Variants in XKR4 observed in about 807,000 individuals in gnomAD.
XKR4 encodes the protein XK related 4.
XKR4 carries 12 observed loss-of-function variants against 53.9 expected under a neutral mutation model. The ratio of observed to expected loss-of-function variants is 0.22; its 90% CI spans 0.14 to 0.36. XKR4 has a LOEUF of 0.36. Among genes scored for constraint, XKR4 ranks in the 10% least tolerant of loss-of-function variants. The pLI, the probability that XKR4 is intolerant of heterozygous loss-of-function variation, is 1.00. For synonymous variants in XKR4, 354 were observed against 362.4 expected, an observed-to-expected ratio of 0.98 and a Z score of 0.26; for missense variants, 799 against 859.5, an observed-to-expected ratio of 0.93 and a Z score of 0.88.
chr8:55,446,744 A>C (rs1363853189), intron 2 of XKR4, among the ~76,000 whole-genome samples: 1 of 152,240 alleles, frequency 6.6e-6, no homozygotes, highest in East Asian at 1.9e-4. Context: ...TTTCACCATC[A>C]GACAAATACC....
At chr8:55,208,001 C>T (rs907202890) in intron 1 of XKR4, among the ~76,000 whole-genome samples, 7 of 152,122 alleles carry the variant, frequency 4.6e-5, no homozygotes, top group Admixed American at 3.9e-4. Context: ...ATGATAGTAG[C>T]CTGTGGGCTA....
chr8:55,258,617 G>A (rs1818472562), intron 1 of XKR4, among the ~76,000 whole-genome samples: 1 of 152,104 alleles, frequency 6.6e-6, no homozygotes, highest in Non-Finnish European at 1.5e-5. Context: ...CTGATGTCTG[G>A]TAATGGGTCA....
At chr8:55,433,336 C>A (rs1055897774) in intron 2 of XKR4, among the ~76,000 whole-genome samples, 1 of 152,154 alleles carries the variant, frequency 6.6e-6, no homozygotes, top group Non-Finnish European at 1.5e-5. Flanking sequence ...ACAGAAGTCG[C>A]TAAATGATGA....
intron 2 of XKR4, among the ~76,000 whole-genome samples, chr8:55,363,283 C>T (rs1165781060): frequency 6.6e-6 from 1 of 152,086 alleles, no homozygotes; most frequent in Non-Finnish European, 1.5e-5. Flanking sequence ...CGAAAAACAC[C>T]GACTTCTCAT....
intron 2 of XKR4, among the ~76,000 whole-genome samples, chr8:55,498,798 C>CAG (rs147538336): frequency 4.6e-5 from 7 of 151,650 alleles, no homozygotes; most frequent in East Asian, 1.9e-4. Context: ...GAGACAGAGA[C>CAG]AGAGAGAGAG....
At chr8:55,370,306 G>A (rs1350376881) in intron 2 of XKR4, among the ~76,000 whole-genome samples, 5 of 152,164 alleles carry the variant, frequency 3.3e-5, no homozygotes, top group African/African-American at 1.2e-4. Flanking sequence ...GCTGAGAATG[G>A]GGCAAATCCG....
At chr8:55,240,675 A>G (rs1292557466) in intron 1 of XKR4, among the ~76,000 whole-genome samples, 1 of 152,210 alleles carries the variant, frequency 6.6e-6, no homozygotes, top group African/African-American at 2.4e-5. Flanking sequence ...GCACACAGGC[A>G]AGGGAATAGC....
intron 2 of XKR4, among the ~76,000 whole-genome samples, chr8:55,457,169 G>A (rs1456178456): frequency 4.9e-5 from 3 of 60,782 alleles, no homozygotes; most frequent in African/African-American, 1.3e-4. Context: ...TTGAGACTGA[G>A]TCTTGCTCTG....
At chr8:55,288,747 A>G (rs4738045) in intron 1 of XKR4, among the ~76,000 whole-genome samples, 112,226 of 152,108 alleles carry the variant, frequency 0.74, 44,943 homozygotes, top group Non-Finnish European at 0.91. Flanking sequence ...CAAAGGTAAC[A>G]TCTTGCAAAA....
intron 2 of XKR4, among the ~76,000 whole-genome samples, chr8:55,475,489 T>C (rs1469703137): frequency 1.3e-5 from 2 of 152,064 alleles, no homozygotes; most frequent in African/African-American, 2.4e-5. Flanking sequence ...TGATCAGATC[T>C]CACTGCAGCC....
chr8:55,529,095 T>C lies in XKR4; in HGVS notation c.*4868T>C, dbSNP rs1806915559. On this transcript the variant is annotated 3_prime_UTR_variant, in exon 3 of 3. Transcript: ENST00000327381. ...GACAGTATCATTACTCATTCTAAAG[T>C]AAAACTGCAGAATATGGGTGGAATT... is the stretch of plus-strand genomic sequence containing the variant. 6.6e-6 allele frequency: 1 copy of C among 150,798 alleles called. No individual in the cohort carries two copies. The highest frequency in any genetic ancestry group is 2.4e-5 in the African/African-American group (1 of 40,878). The allele number at this position is 150,798 out of a possible 1,614,324, so 9.3% of individuals were successfully genotyped here. A position where few individuals can be genotyped will look rare whatever the true frequency, so the allele number is the denominator to read the frequency against.
At chr8:55,333,436 A>C (rs925997133) in intron 1 of XKR4, among the ~76,000 whole-genome samples, 2 of 152,156 alleles carry the variant, frequency 1.3e-5, no homozygotes, top group African/African-American at 4.8e-5. Flanking sequence ...TTTTCTGGGC[A>C]TGCCTCTACC....
chr8:55,405,462 C>T (rs1306450303), intron 2 of XKR4, among the ~76,000 whole-genome samples: 5 of 152,102 alleles, frequency 3.3e-5, no homozygotes, highest in African/African-American at 4.8e-5. Flanking sequence ...TGAGGAGAGC[C>T]GAGAGACGCA....
chr8:55,450,612 G>T, intron 2 of XKR4: 2 of 705,910 alleles, frequency 2.8e-6, no homozygotes. Flanking sequence ...ATGGGGAACT[G>T]CAGGTGGAGC....
intron 1 of XKR4, among the ~76,000 whole-genome samples, chr8:55,158,525 T>G (rs1328491814): frequency 3.3e-5 from 5 of 152,218 alleles, no homozygotes; most frequent in African/African-American, 1.2e-4. Context: ...TGTCATGTTT[T>G]GTTTTTGTTG....
In XKR4 at chr8:55,357,882, G is replaced by A; in HGVS notation, c.1006+5G>A. 2 of 1,603,826 alleles carry A rather than the reference G, an allele frequency of 1.2e-6. No homozygotes were observed. Among genetic ancestry groups the A allele is most frequent in the Non-Finnish European group, 1.7e-6 (2 of 1,172,604 alleles). On this transcript the variant is annotated splice_donor_5th_base_variant and intron_variant, in intron 2 of 2. Transcript: ENST00000327381. ...ATAGCTTACAGGCCCTCCAAGGTAA[G>A]GGCTTGCAATTTGGTTTCTGAATTT...
At chr8:55,433,077 A>G (rs1025904924) in intron 2 of XKR4, among the ~76,000 whole-genome samples, 1 of 152,238 alleles carries the variant, frequency 6.6e-6, no homozygotes, top group African/African-American at 2.4e-5. Context: ...TGAAATTCAA[A>G]TTCACTTTTT....
intron 1 of XKR4, among the ~76,000 whole-genome samples, chr8:55,276,839 G>A (rs1275857110): frequency 6.6e-6 from 1 of 152,114 alleles, no homozygotes; most frequent in Non-Finnish European, 1.5e-5. Context: ...AAATTCCAGA[G>A]AGGCATCAAC....
At chr8:55,195,882 A>T (rs1241647716) in intron 1 of XKR4, among the ~76,000 whole-genome samples, 1 of 152,170 alleles carries the variant, frequency 6.6e-6, no homozygotes. Context: ...AGCTCAGGCC[A>T]CGCCCCAAAC....
Sources: gnomAD v4.1 joint callset for allele counts (sites outside exome capture counted in the v4.1 genomes callset) on GRCh38, gnomAD v4.1.1 for gene constraint, MANE v1.5 for transcripts, NCBI Gene and HGNC (gene_info 2026-07-23, HGNC 2026-07-21) for gene names.